FRY: variants seen among roughly 807,000 people sequenced by gnomAD.
FRY encodes FRY microtubule binding protein, also known as protein furry homolog.
FRY carries 128 observed loss-of-function variants against 348.4 expected under a neutral mutation model. That is an observed-to-expected ratio of 0.37 (90% confidence interval 0.32 to 0.43). FRY has a LOEUF of 0.43. FRY is among the 20% of genes least tolerant of loss of function. The probability of loss-of-function intolerance (pLI) is 1.00; values close to 1 mark genes in which losing one functional copy is unlikely to be tolerated. For missense variants in FRY, 2,736 were observed against 3,695.2 expected, an observed-to-expected ratio of 0.74 and a Z score of 6.73; for synonymous variants, 1,370 against 1,374.7, an observed-to-expected ratio of 1.00 and a Z score of 0.08.
Position 32,173,423 on chromosome 13 carries a change from T to A in FRY, c.2208T>A (p.Ser736Arg), listed in dbSNP as rs774279891. The A allele has an allele frequency of 6.2e-7, 1 of 1,612,458 alleles. No individual in the cohort carries two copies. Among genetic ancestry groups the A allele is most frequent in the South Asian group, 1.1e-5 (1 of 91,014 alleles). The stretch of plus-strand genomic sequence containing the variant: ...AGTCGGAACGAGGTCCCCACTGCAG[T>A]GTACTCCACGCTGTAGAAGGTTTTG... The part of the protein sequence containing the change: ...RIQSERGPHC[S>R]VLHAVEGFAL... Residue 736 changes from serine (S) to arginine (R), a missense_variant, in exon 19 of 61, where the codon AGT becomes AGA. Transcript: ENST00000542859.
chr13:32,230,772 C>A (rs1219463430), intron 40 of FRY, among the ~76,000 whole-genome samples: 1 of 152,200 alleles, frequency 6.6e-6, no homozygotes, highest in African/African-American at 2.4e-5. Context: ...TATACTCACA[C>A]CAACAGTGTA....
At chr13:32,141,803 G>A (rs1231347055) in intron 11 of FRY, among the ~76,000 whole-genome samples, 1 of 152,148 alleles carries the variant, frequency 6.6e-6, no homozygotes, top group Admixed American at 6.5e-5. Flanking sequence ...AAAGGAGGTA[G>A]GCATGTTATT....
intron 23 of FRY, 58 bp downstream of exon 23, chr13:32,179,857 C>G: frequency 6.5e-7 from 1 of 1,532,500 alleles, no homozygotes; most frequent in South Asian, 1.1e-5. Context: ...ATTGTAGTTC[C>G]TTTATTAACT....
At position 32,209,849 on chromosome 13, in the gene FRY, G is replaced by A. The variant is rs1232129769; in HGVS notation, c.4422+118G>A. ...AATAGAAATGTCCAGTTAGTCACAT[G>A]AATCTCCTGTGAGCTCATCCAGATA... On this transcript the variant is annotated intron_variant, in intron 33 of 60. Transcript: ENST00000542859. The A allele has an allele frequency of 2.4e-5, 25 of 1,023,090 alleles. No homozygotes were observed. The Admixed American group carries it at 4.7e-4, about 19-fold the overall frequency. 63.4% of individuals were successfully genotyped at this position (1,023,090 alleles called of 1,614,324 possible).
chr13:32,236,829 A>G (rs1177139424), intron 43 of FRY, among the ~76,000 whole-genome samples: 3 of 152,176 alleles, frequency 2.0e-5, no homozygotes, highest in Non-Finnish European at 4.4e-5. Context: ...CATCACACAT[A>G]TTTATCTATA....
chr13:32,277,452 A>G (rs973882299), intron 57 of FRY, among the ~76,000 whole-genome samples: 23 of 152,230 alleles, frequency 1.5e-4, no homozygotes, highest in Non-Finnish European at 4.4e-5. Context: ...CTTAAATTAT[A>G]TCGTTTAATG....
In FRY at chr13:32,208,817, G is replaced by T. The variant is rs914664389; in HGVS notation, c.4019-36G>T. 5 of 1,612,938 alleles carry T rather than the reference G, an allele frequency of 3.1e-6. No individual in the cohort carries two copies. In the African/African-American group the frequency reaches 6.7e-5, roughly 22 times the overall value. ...TTTCCATTTATTTTGGTGGAATAAG[G>T]TATGGATGACTCTCTGTCACTGCAA... On this transcript the variant is annotated intron_variant, in intron 31 of 60. Transcript: ENST00000542859.
In FRY at chr13:32,124,658, C is replaced by T; in HGVS notation, c.612C>T (p.Phe204=). 1 of 1,591,080 alleles carries T rather than the reference C, an allele frequency of 6.3e-7. No individual in the cohort carries two copies. Among genetic ancestry groups the T allele is most frequent in the Non-Finnish European group, 8.6e-7 (1 of 1,159,074 alleles). The change falls in exon 6 of 61, where the codon TTC becomes TTT. Residue 204 remains phenylalanine, a synonymous_variant. Transcript: ENST00000542859. The part of the protein sequence containing the change: ...SLIHDVINLA[F]KHFKYKEGYL... ...TACATGATGTTATTAACTTGGCTTT[C>T]AAGCACTTTAAATACAAAGAAGGGT...
At chr13:32,235,800 C>A (rs894467748) in intron 42 of FRY, among the ~76,000 whole-genome samples, 1 of 152,044 alleles carries the variant, frequency 6.6e-6, no homozygotes, top group Non-Finnish European at 1.5e-5. Context: ...AAATGCCCAC[C>A]CTCCCCTCAG....
intron 19 of FRY, among the ~76,000 whole-genome samples, chr13:32,174,664 A>G (rs1301711907): frequency 2.0e-5 from 3 of 152,110 alleles, no homozygotes. Context: ...CCCACTTCTT[A>G]AGTGCTAATC....
Position 32,261,743 on chromosome 13 carries a change from A to G in FRY, c.7544A>G (p.His2515Arg). ...SGSTPSLNKM[H>R]HEDSDESSEE... is the part of the protein sequence containing the mutation. ...AGCACTCCTAGCCTGAATAAAATGCACCATGAGGACTCCGATGAATCATCC... is the reference window on the plus strand; with the variant it reads ...AGCACTCCTAGCCTGAATAAAATGCGCCATGAGGACTCCGATGAATCATCC... Residue 2515 changes from histidine to arginine, a missense_variant, in exon 52 of 61, where the codon CAC becomes CGC. His to Arg is a conservative substitution (Grantham distance 29). Coordinates refer to ENST00000542859, the MANE Select transcript of FRY (RefSeq NM_023037.3). 1 of 1,614,178 alleles carries G rather than the reference A, an allele frequency of 6.2e-7. No individual in the cohort carries two copies. Among genetic ancestry groups the G allele is most frequent in the Non-Finnish European group, 8.5e-7 (1 of 1,180,034 alleles).
At chr13:32,084,379 C>T (rs1593594139) in intron 2 of FRY, among the ~76,000 whole-genome samples, 1 of 152,134 alleles carries the variant, frequency 6.6e-6, no homozygotes, top group Non-Finnish European at 1.5e-5. Flanking sequence ...ATCTTACTCC[C>T]ACCACATACC....
At chr13:32,215,080 G>T (rs1489763397) in intron 35 of FRY, among the ~76,000 whole-genome samples, 1 of 152,232 alleles carries the variant, frequency 6.6e-6, no homozygotes, top group Non-Finnish European at 1.5e-5. Context: ...AAGCTAATGG[G>T]AGGGTAAGAC....
At chr13:32,234,887 T>C in intron 42 of FRY, 126 bp downstream of exon 42, 1 of 781,878 alleles carries the variant, frequency 1.3e-6, no homozygotes, top group South Asian at 1.7e-5. Context: ...ACAATATATT[T>C]TTTCAATTTT....
chr13:32,117,294 G>T, intron 3 of FRY, 40 bp from the exon 4 acceptor site: 1 of 1,605,952 alleles, frequency 6.2e-7, no homozygotes, highest in Non-Finnish European at 8.5e-7. Context: ...GTAATTGGCA[G>T]TGCTACCAGT....
At chr13:32,086,307 C>T (rs1875857196) in intron 2 of FRY, among the ~76,000 whole-genome samples, 2 of 152,214 alleles carry the variant, frequency 1.3e-5, no homozygotes, top group Non-Finnish European at 2.9e-5. Context: ...TATTATAGCC[C>T]TGCCACTAAC....
At chr13:32,056,124 G>T (rs1198239303) in intron 1 of FRY, among the ~76,000 whole-genome samples, 1 of 150,660 alleles carries the variant, frequency 6.6e-6, no homozygotes, top group Non-Finnish European at 1.5e-5. Context: ...CCGGGAGGCG[G>T]AGGTTGCAGT....
intron 2 of FRY, among the ~76,000 whole-genome samples, chr13:32,083,595 T>C (rs1431131520): frequency 1.3e-5 from 2 of 152,194 alleles, no homozygotes; most frequent in Non-Finnish European, 2.9e-5. Flanking sequence ...TTGCCCCTTC[T>C]GTTGCCCAGA....
chr13:32,110,583 C>A (rs887431111), intron 3 of FRY, among the ~76,000 whole-genome samples: 4 of 151,972 alleles, frequency 2.6e-5, no homozygotes, highest in African/African-American at 7.3e-5. Context: ...CAGTTACTCT[C>A]AGAAATGAAA....
Sources: gnomAD v4.1 joint callset for allele counts (sites outside exome capture counted in the v4.1 genomes callset) on GRCh38, gnomAD v4.1.1 for gene constraint, MANE v1.5 for transcripts, NCBI Gene and HGNC (gene_info 2026-07-23, HGNC 2026-07-21) for gene names.